The following PSME4 variants were observed in gnomAD, a reference collection of about 807,000 sequenced individuals.
PSME4 encodes the protein proteasome activator complex subunit 4.
A neutral mutation model predicts 253.9 loss-of-function variants in PSME4; 89 were observed. The observed-to-expected ratio is 0.35, with a 90% CI of 0.30 to 0.42. The LOEUF (loss-of-function observed/expected upper bound fraction) is 0.42, where lower values mean the gene tolerates loss of function less well. Among genes scored for constraint, PSME4 ranks in the 10% least tolerant of loss-of-function variants. The probability of loss-of-function intolerance (pLI) is 1.00; values close to 1 mark genes in which losing one functional copy is unlikely to be tolerated. For missense variants in PSME4, 2,014 were observed against 2,195.2 expected (o/e 0.92, Z 1.65); for synonymous variants, 851 against 759.2 (o/e 1.12, Z -1.99).
Position 53,906,621 on chromosome 2 carries a change from A to T in PSME4, c.2920T>A (p.Leu974Ile). Reference sequence around the variant, plus strand: ...ACCTGACTGTATGAACTTGTAGATAAACGAAGAAGATCTCTGATCATATCT... The same window carrying T: ...ACCTGACTGTATGAACTTGTAGATATACGAAGAAGATCTCTGATCATATCT... ...HQDMIRDLLRLSTSSYSQVRN... is the reference protein window; with the variant it reads ...HQDMIRDLLRISTSSYSQVRN... Residue 974 changes from leucine (L) to isoleucine (I), a missense_variant, in exon 26 of 47, where the codon TTA becomes ATA. Physicochemically the swap from Leu to Ile is conservative, Grantham distance 5. Transcript: ENST00000404125. 1 of 1,598,092 alleles carries T rather than the reference A, an allele frequency of 6.3e-7. No individual in the cohort carries two copies. The highest frequency in any genetic ancestry group is 8.5e-7 in the Non-Finnish European group (1 of 1,173,052).
chr2:53,901,204 C>T, intron 28 of PSME4, 146 bp downstream of exon 28: 1 of 738,354 alleles, frequency 1.4e-6, no homozygotes, highest in African/African-American at 1.8e-5. Flanking sequence ...GTACAAAAAG[C>T]AAACAGGTAA....
intron 3 of PSME4, among the ~76,000 whole-genome samples, chr2:53,943,502 G>T (rs1669551746): frequency 6.6e-6 from 1 of 151,932 alleles, no homozygotes; most frequent in South Asian, 2.1e-4. Flanking sequence ...ATTTTTCATT[G>T]CCACTTCACT....
chr2:53,890,172 T>A lies in PSME4; in HGVS notation c.4228A>T (p.Arg1410Ter). ...KLWELLCPLL[R>*]TALSNITVET... ...ACGGTAATATTGGACAGTGCTGTTCTAAGCAGAGGGCACAGAAGCTCCCAA... is the reference window on the plus strand; with the variant it reads ...ACGGTAATATTGGACAGTGCTGTTCAAAGCAGAGGGCACAGAAGCTCCCAA... Residue 1410 changes from arginine to a stop codon, truncating the protein, a stop_gained, in exon 37 of 47, where the codon AGA becomes TGA. Transcript: ENST00000404125. LOFTEE classifies it high-confidence loss of function. 6.2e-7 allele frequency: 1 copy of A among 1,613,928 alleles called. No homozygotes were observed. The highest frequency in any genetic ancestry group is 1.1e-5 in the South Asian group (1 of 91,060).
In PSME4 at chr2:53,874,260, G is replaced by A. The variant is rs558991439; in HGVS notation, c.5100+79C>T. The A allele has an allele frequency of 1.8e-4, 255 of 1,398,542 alleles. No individual in the cohort carries two copies. In the African/African-American group the frequency reaches 2.0e-3, roughly 11 times the overall value. The allele number at this position is 1,398,542 out of a possible 1,614,324, so 86.6% of individuals were successfully genotyped here. A position where few individuals can be genotyped will look rare whatever the true frequency, so the allele number is the denominator to read the frequency against. ...TAAATATAAACAATTGCACCTGGCC[G>A]CAAATACTTATTAAAAAGGGAACCA... On this transcript the variant is annotated intron_variant, in intron 43 of 46. Transcript: ENST00000404125.
At position 53,940,998 on chromosome 2, in the gene PSME4, T is replaced by TATATATATATATATGA. The variant is rs1553338492; in HGVS notation, c.501-999_501-998insTCATATATATATATAT. On this transcript the variant is annotated intron_variant, in intron 3 of 46. Coordinates refer to ENST00000404125, the MANE Select transcript of PSME4 (RefSeq NM_014614.3). Reference sequence around the variant, plus strand: ...ATATATATATATATATATATATATATATGAAAGGAGTAAGTTTCAGGCAAT... The same window carrying TATATATATATATATGA: ...ATATATATATATATATATATATATATATATATATATATATGAATGAAAGGAGTAAGTTTCAGGCAAT... Among the ~76,000 whole-genome samples, 33 of 85,906 alleles carry TATATATATATATATGA rather than the reference T, an allele frequency of 3.8e-4. 4 individuals carry two copies. Among genetic ancestry groups the TATATATATATATATGA allele is most frequent in the South Asian group, 9.5e-4 (2 of 2,104 alleles). 56.4% of individuals were successfully genotyped at this position (85,906 alleles called of 152,430 possible).
In PSME4 at chr2:53,900,076, G is replaced by A. The variant is rs1034205467; in HGVS notation, c.3286-59C>T. The A allele has an allele frequency of 2.6e-5, 38 of 1,449,530 alleles. 1 individual carries two copies. The highest frequency in any genetic ancestry group is 8.5e-5 in the African/African-American group (6 of 70,226). The allele number at this position is 1,449,530 out of a possible 1,614,324, so 89.8% of individuals were successfully genotyped here. On this transcript the variant is annotated intron_variant, in intron 28 of 46. Transcript: ENST00000404125. ...AAGTTCTGATGCATACTACCTGAAC[G>A]AACCTTGAAAATGTCATGCTAAGTG...
chr2:53,932,188 T>C, intron 9 of PSME4, 88 bp from the exon 10 acceptor site: 2 of 1,255,728 alleles, frequency 1.6e-6, no homozygotes, highest in Non-Finnish European at 2.2e-6. Context: ...TGAGAAAAGA[T>C]TTTAAAAATA....
rs1225015504 is a variant in PSME4, at chr2:53,937,433, A to G, written c.653T>C (p.Leu218Pro). 6.2e-7 allele frequency: 1 copy of G among 1,609,164 alleles called. No individual in the cohort carries two copies. Among genetic ancestry groups the G allele is most frequent in the Non-Finnish European group, 8.5e-7 (1 of 1,176,804 alleles). ...QKAITYFEIF[L>P]PTSLPPELHH... The stretch of plus-strand genomic sequence containing the variant: ...AAGTTCTGGAGGAAGGGAGGTAGGA[A>G]GAAATATTTCAAAATAAGTGATGGC... Residue 218 changes from leucine (L) to proline (P), a missense_variant, in exon 5 of 47, where the codon CTT becomes CCT. Leu to Pro is a moderately conservative substitution (Grantham distance 98, BLOSUM62 -3). Around this residue, in one of 4 missense-constraint regions of PSME4, gnomAD observed 615 missense variants for 594.4 expected, o/e 1.03. Transcript: ENST00000404125.
chr2:53,962,752 C>G (rs1670545817), intron 1 of PSME4, among the ~76,000 whole-genome samples: 2 of 152,198 alleles, frequency 1.3e-5, no homozygotes, highest in African/African-American at 4.8e-5. Flanking sequence ...GTGGCTCACG[C>G]CTGTAATCCC....
intron 1 of PSME4, among the ~76,000 whole-genome samples, chr2:53,965,263 T>G (rs948888800): frequency 3.5e-5 from 5 of 142,738 alleles, no homozygotes; most frequent in African/African-American, 7.7e-5. Flanking sequence ...TTTTTTTTTT[T>G]GTAAGACAAG....
intron 43 of PSME4, among the ~76,000 whole-genome samples, chr2:53,872,539 GAGACCAGC>G (rs1305042129): frequency 6.6e-6 from 1 of 151,772 alleles, no homozygotes; most frequent in Non-Finnish European, 1.5e-5. Context: ...CCAGGAGTTT[GAGACCAGC>G]CTGGGCAGTA....
intron 1 of PSME4, among the ~76,000 whole-genome samples, chr2:53,969,740 A>C (rs2104497450): frequency 6.9e-6 from 1 of 144,010 alleles, no homozygotes; most frequent in South Asian, 2.2e-4. Context: ...AAGCTAGTTT[A>C]CAAACAGAAC....
chr2:53,934,752 G>C lies in PSME4; in HGVS notation c.835-25C>G, dbSNP rs367712604. 3.3e-6 allele frequency: 5 copies of C among 1,510,704 alleles called. No homozygotes were observed. In the South Asian group the frequency reaches 5.8e-5, roughly 17 times the overall value. 93.6% of individuals were successfully genotyped at this position (1,510,704 alleles called of 1,614,324 possible). ...TCTTTTAAAAGAAAAAAATAAGTAAGGATATTTACAGGTATCAAAATAATT... is the reference window on the plus strand; with the variant it reads ...TCTTTTAAAAGAAAAAAATAAGTAACGATATTTACAGGTATCAAAATAATT... On this transcript the variant is annotated intron_variant, in intron 7 of 46. Coordinates refer to ENST00000404125, the MANE Select transcript of PSME4 (RefSeq NM_014614.3).
intron 41 of PSME4, 25 bp downstream of exon 41, chr2:53,885,657 GGAGATGCA>G: frequency 1.3e-6 from 2 of 1,497,514 alleles, no homozygotes; most frequent in Non-Finnish European, 1.9e-6. Flanking sequence ...AAGGTCAAAA[GGAGATGCA>G]TTCTTAATTT....
chr2:53,878,548 A>C (rs1448530361), intron 41 of PSME4, among the ~76,000 whole-genome samples: 1 of 152,206 alleles, frequency 6.6e-6, no homozygotes, highest in Non-Finnish European at 1.5e-5. Context: ...CAAATAGGAG[A>C]AATATCGCTG....
chr2:53,951,612 G>C (rs1670001173), intron 1 of PSME4, among the ~76,000 whole-genome samples: 1 of 152,298 alleles, frequency 6.6e-6, no homozygotes, highest in East Asian at 1.9e-4. Flanking sequence ...GGTTCTGCCA[G>C]TACAGGTTGA....
At chr2:53,866,006 T>C in intron 46 of PSME4, 79 bp downstream of exon 46, 1 of 1,373,882 alleles carries the variant, frequency 7.3e-7, no homozygotes, top group Non-Finnish European at 9.8e-7. Context: ...TCTAAGAATG[T>C]CAGCAAAAAG....
intron 14 of PSME4, 117 bp downstream of exon 14, chr2:53,925,422 T>C (rs1014143692): frequency 1.2e-5 from 12 of 992,596 alleles, no homozygotes; most frequent in Non-Finnish European, 1.6e-5. Flanking sequence ...CTTTAAAACT[T>C]TAGTATGAAT....
chr2:53,908,713 C>G (rs536879506), intron 22 of PSME4, 71 bp downstream of exon 22: 23 of 1,444,924 alleles, frequency 1.6e-5, no homozygotes, highest in Non-Finnish European at 2.1e-5. Context: ...TAAACACATG[C>G]ATGTTATAGA....
Sources: gnomAD v4.1 joint callset for allele counts (sites outside exome capture counted in the v4.1 genomes callset) on GRCh38, gnomAD v4.1.1 for gene constraint, gnomAD v4.1.1 regional missense constraint, MANE v1.5 for transcripts, NCBI Gene and HGNC (gene_info 2026-07-23, HGNC 2026-07-21) for gene names.